Variants in DOK6 observed in about 807,000 individuals in gnomAD.
The protein encoded by DOK6 is downstream of tyrosine kinase 6.
A neutral mutation model predicts 44.0 loss-of-function variants in DOK6; 22 were observed. The observed-to-expected ratio is 0.50, with a 90% CI of 0.36 to 0.71. The LOEUF (loss-of-function observed/expected upper bound fraction) is 0.71, where lower values mean the gene tolerates loss of function less well. Among genes scored for constraint, DOK6 ranks in the 30% least tolerant of loss-of-function variants. DOK6 has a pLI of 0.00. For synonymous variants in DOK6, 166 were observed against 145.5 expected (o/e 1.14, Z -1.01); for missense variants, 340 against 416.4 (o/e 0.82, Z 1.60).
chr18:69,549,530 AG>A (rs1242373730), intron 1 of DOK6, among the ~76,000 whole-genome samples: 1 of 151,662 alleles, frequency 6.6e-6, no homozygotes, highest in Non-Finnish European at 1.5e-5. Context: ...CCATTTGTCC[AG>A]TCCTTTCCTA....
chr18:69,726,287 T>C (rs1978306905), intron 5 of DOK6, among the ~76,000 whole-genome samples: 1 of 152,222 alleles, frequency 6.6e-6, no homozygotes, highest in Non-Finnish European at 1.5e-5. Context: ...GTCATCACTC[T>C]GGACTCAATC....
In DOK6 at chr18:69,768,141, G is replaced by C. The variant is rs926583799; in HGVS notation, c.856+10268G>C. On this transcript the variant is annotated intron_variant, in intron 7 of 7. Coordinates refer to ENST00000382713, the MANE Select transcript of DOK6 (RefSeq NM_152721.6). ...ATTTTGTGGGGAATATATATTAAAG[G>C]CATGTCAAATAAATTATACATATAT... is the stretch of plus-strand genomic sequence containing the variant. 5.3e-5 allele frequency among the ~76,000 whole-genome samples: 8 copies of C among 151,970 alleles called. No individual in the cohort carries two copies. In the East Asian group the frequency reaches 9.7e-4, roughly 18 times the overall value.
intron 3 of DOK6, among the ~76,000 whole-genome samples, chr18:69,672,877 C>A (rs781692046): frequency 1.3e-5 from 2 of 151,984 alleles, no homozygotes; most frequent in African/African-American, 2.4e-5. Context: ...ATTCTCTAAG[C>A]AATAGCCTGT....
chr18:69,466,997 G>A (rs1979947159), intron 1 of DOK6, among the ~76,000 whole-genome samples: 1 of 151,986 alleles, frequency 6.6e-6, no homozygotes, highest in African/African-American at 2.4e-5. Flanking sequence ...AGACCATGAA[G>A]GGATTCAGCA....
At chr18:69,774,133 G>GAGATATAT (rs1555670147) in intron 7 of DOK6, among the ~76,000 whole-genome samples, 1 of 66,894 alleles carries the variant, frequency 1.5e-5, no homozygotes, top group Admixed American at 2.1e-4. Context: ...ATATATATGA[G>GAGATATAT]ATATATATAT....
intron 1 of DOK6, among the ~76,000 whole-genome samples, chr18:69,414,885 G>T (rs1978322012): frequency 6.6e-6 from 1 of 152,036 alleles, no homozygotes; most frequent in Admixed American, 6.6e-5. Context: ...ATCCAGTGGG[G>T]CACAATTATA....
At chr18:69,759,360 CAT>C (rs777159331) in intron 7 of DOK6, among the ~76,000 whole-genome samples, 64 of 151,966 alleles carry the variant, frequency 4.2e-4, no homozygotes, top group African/African-American at 1.3e-3. Flanking sequence ...TTTATTTAAA[CAT>C]ATGTTTAAAT....
chr18:69,501,655 T>C (rs902447438), intron 1 of DOK6, among the ~76,000 whole-genome samples: 15 of 152,156 alleles, frequency 9.9e-5, no homozygotes, highest in Non-Finnish European at 2.2e-4. Flanking sequence ...TAATTACAGT[T>C]GGGACACATG....
intron 5 of DOK6, among the ~76,000 whole-genome samples, chr18:69,734,147 AT>A (rs200520619): frequency 1.6e-3 from 237 of 147,738 alleles, no homozygotes; most frequent in African/African-American, 3.7e-3. Flanking sequence ...ATGGATTCAA[AT>A]TTTTTTTTTT....
chr18:69,546,241 C>T (rs1193831285), intron 1 of DOK6, among the ~76,000 whole-genome samples: 1 of 150,014 alleles, frequency 6.7e-6, no homozygotes, highest in East Asian at 1.9e-4. Context: ...CTCACCATTG[C>T]ACTCCAGCTT....
At position 69,842,095 on chromosome 18, in the gene DOK6, A is replaced by C. The variant is rs1982241046; in HGVS notation, c.*712A>C. The C allele has an allele frequency of 6.6e-6, 1 of 151,050 alleles. No homozygotes were observed. Among genetic ancestry groups the C allele is most frequent in the Non-Finnish European group, 1.5e-5 (1 of 67,878 alleles). The allele number at this position is 151,050 out of a possible 1,614,324, so 9.4% of individuals were successfully genotyped here. A position where few individuals can be genotyped will look rare whatever the true frequency, so the allele number is the denominator to read the frequency against. On this transcript the variant is annotated 3_prime_UTR_variant, in exon 8 of 8. Coordinates refer to ENST00000382713, the MANE Select transcript of DOK6 (RefSeq NM_152721.6). ...GTTGAAAACCATAATTTGGTGCATT[A>C]AAGTTAAGATTGTTATGTTGAATAG...
At chr18:69,595,409 A>C (rs1983718066) in intron 2 of DOK6, among the ~76,000 whole-genome samples, 1 of 152,178 alleles carries the variant, frequency 6.6e-6, no homozygotes, top group Non-Finnish European at 1.5e-5. Context: ...GGCAAGAACA[A>C]GATGATTTTT....
At chr18:69,822,406 G>C (rs1407945500) in intron 7 of DOK6, among the ~76,000 whole-genome samples, 3 of 152,140 alleles carry the variant, frequency 2.0e-5, no homozygotes, top group Non-Finnish European at 4.4e-5. Context: ...GCATTAACAA[G>C]AGTATTAGCC....
intron 7 of DOK6, among the ~76,000 whole-genome samples, chr18:69,823,615 GTGTGTGTGTT>G (rs1365685224): frequency 1.6e-3 from 215 of 134,076 alleles, no homozygotes; most frequent in African/African-American, 5.8e-3. Flanking sequence ...AGAAGGAGAA[GTGTGTGTGTT>G]TGTGTGTGTG....
intron 1 of DOK6, among the ~76,000 whole-genome samples, chr18:69,449,829 A>G (rs560461622): frequency 6.1e-4 from 92 of 151,616 alleles, no homozygotes; most frequent in African/African-American, 1.8e-3. Flanking sequence ...GGGTATTCCA[A>G]CAGACCTGCA....
intron 4 of DOK6, among the ~76,000 whole-genome samples, chr18:69,695,624 A>G (rs1986371816): frequency 6.6e-6 from 1 of 152,216 alleles, no homozygotes; most frequent in Non-Finnish European, 1.5e-5. Flanking sequence ...CTTCGTCATT[A>G]TAACGGAATT....
chr18:69,646,936 T>C (rs191406201), intron 3 of DOK6, among the ~76,000 whole-genome samples: 27 of 152,280 alleles, frequency 1.8e-4, no homozygotes, highest in African/African-American at 6.5e-4. Flanking sequence ...CTCTCTCCTT[T>C]CTTCATATAG....
intron 1 of DOK6, among the ~76,000 whole-genome samples, chr18:69,454,656 AC>A (rs1279031925): frequency 8.4e-6 from 1 of 119,588 alleles, no homozygotes. Context: ...CTTGGAACCA[AC>A]CCAAATGTCC....
intron 7 of DOK6, among the ~76,000 whole-genome samples, chr18:69,828,806 A>G (rs1981814221): frequency 6.8e-6 from 1 of 146,352 alleles, no homozygotes; most frequent in Non-Finnish European, 1.5e-5. Flanking sequence ...GAATAGTTGC[A>G]TATCCACTTA....
Sources: gnomAD v4.1 joint callset for allele counts (sites outside exome capture counted in the v4.1 genomes callset) on GRCh38, gnomAD v4.1.1 for gene constraint, MANE v1.5 for transcripts, NCBI Gene and HGNC (gene_info 2026-07-23, HGNC 2026-07-21) for gene names.